Variants in FAAH observed in about 807,000 individuals in gnomAD.
FAAH encodes the protein fatty acid amide hydrolase.
FAAH carries 63 observed loss-of-function variants against 69.7 expected under a neutral mutation model. That is an observed-to-expected ratio of 0.90 (90% CI 0.74 to 1.12). FAAH has a LOEUF of 1.12. Among genes scored for constraint, FAAH ranks in the 50% most tolerant of loss-of-function variants. The probability of loss-of-function intolerance (pLI) is 0.00; values close to 1 mark genes in which losing one functional copy is unlikely to be tolerated. For missense variants in FAAH, 680 were observed against 755.0 expected, an observed-to-expected ratio of 0.90 and a Z score of 1.16; for synonymous variants, 305 against 324.2, an observed-to-expected ratio of 0.94 and a Z score of 0.64.
Position 46,405,676 on chromosome 1 carries a change from G to A in FAAH, c.667G>A (p.Ala223Thr). 2 of 1,613,550 alleles carry A rather than the reference G, an allele frequency of 1.2e-6. No homozygotes were observed. Among genetic ancestry groups the A allele is most frequent in the Non-Finnish European group, 1.7e-6 (2 of 1,180,032 alleles). Residue 223 changes from alanine to threonine, a missense_variant, in exon 5 of 15, where the codon GCC becomes ACC. Coordinates refer to ENST00000243167, the MANE Select transcript of FAAH (RefSeq NM_001441.3). This position sits in a 1 kb window ranked among gnomAD's most constrained non-coding sequence, Gnocchi z 4.1. ...SPGGSSGGEGALIGSGGSPLG... is the reference protein window; with the variant it reads ...SPGGSSGGEGTLIGSGGSPLG... ...AGGGGGCTCCTCAGGGGGTGAAGGG[G>A]CCCTCATCGGGTCTGGAGGCTCCCC...
chr1:46,413,351 C>T, intron 14 of FAAH, 96 bp from the exon 15 acceptor site: 1 of 1,609,790 alleles, frequency 6.2e-7, no homozygotes, highest in Non-Finnish European at 8.5e-7. Flanking sequence ...TGGCCTGGCC[C>T]TACGTTGTGG....
chr1:46,403,536 C>A (rs1206737523), intron 2 of FAAH, among the ~76,000 whole-genome samples: 1 of 152,258 alleles, frequency 6.6e-6, no homozygotes. Flanking sequence ...CAGGCCATCT[C>A]TTGTACTCCT....
At chr1:46,409,288 C>T (rs1453875406) in intron 9 of FAAH, 90 bp downstream of exon 9, 5 of 1,022,420 alleles carry the variant, frequency 4.9e-6, no homozygotes, top group South Asian at 1.3e-5. Context: ...CCTGGATGGG[C>T]CTTAGCTGAA....
At chr1:46,408,033 C>T (rs550978460) in intron 7 of FAAH, among the ~76,000 whole-genome samples, 12 of 152,176 alleles carry the variant, frequency 7.9e-5, no homozygotes, top group South Asian at 6.2e-4. Flanking sequence ...GATAGGCAGC[C>T]GTGAAGTCCT....
Position 46,413,480 on chromosome 1 carries a change from G to A in FAAH, c.1645G>A (p.Val549Met), listed in dbSNP as rs769732934. The A allele has an allele frequency of 1.5e-5, 24 of 1,614,064 alleles. No homozygotes were observed. Among genetic ancestry groups the A allele is most frequent in the South Asian group, 5.5e-5 (5 of 91,086 alleles). ...GAAGAGTGTGGGGCTGCCGGTGGCC[G>A]TGCAGTGTGTGGCTCTGCCCTGGCA... is the stretch of plus-strand genomic sequence containing the variant. ...MKKSVGLPVAVQCVALPWQEE... is the reference protein window; with the variant it reads ...MKKSVGLPVAMQCVALPWQEE... Residue 549 changes from valine to methionine, a missense_variant, in exon 15 of 15, where the codon GTG becomes ATG. Transcript: ENST00000243167.
intron 13 of FAAH, 27 bp from the exon 14 acceptor site, chr1:46,413,048 G>C: frequency 1.2e-6 from 2 of 1,613,676 alleles, no homozygotes; most frequent in African/African-American, 2.7e-5. Flanking sequence ...CTCAGGGCCT[G>C]CTGCAGCTGC....
intron 1 of FAAH, among the ~76,000 whole-genome samples, chr1:46,399,447 T>C (rs1464776143): frequency 6.6e-6 from 1 of 152,240 alleles, no homozygotes; most frequent in East Asian, 1.9e-4. Flanking sequence ...TAAAAATAGC[T>C]GTTAGCAGCT....
intron 1 of FAAH, among the ~76,000 whole-genome samples, chr1:46,399,653 A>C (rs1384960088): frequency 6.6e-6 from 1 of 152,198 alleles, no homozygotes; most frequent in Non-Finnish European, 1.5e-5. Flanking sequence ...GCTGATTTCG[A>C]TGTCCTTCTC....
In FAAH at chr1:46,394,387, C is replaced by T. The variant is rs779623344; in HGVS notation, c.39C>T (p.Ala13=). The change falls in exon 1 of 15, where the codon GCC becomes GCT. Residue 13 remains alanine, a synonymous_variant. Transcript: ENST00000243167. ...QYELWAALPG[A]SGVALACCFV... ...AGCTGTGGGCCGCGCTGCCTGGCGC[C>T]TCCGGGGTCGCCCTGGCCTGCTGCT... 28 of 1,542,524 alleles carry T rather than the reference C, an allele frequency of 1.8e-5. No homozygotes were observed. The highest frequency in any genetic ancestry group is 2.6e-5 in the East Asian group (1 of 37,754).
At chr1:46,408,888 C>T (rs1463870391) in intron 8 of FAAH, among the ~76,000 whole-genome samples, 7 of 152,178 alleles carry the variant, frequency 4.6e-5, no homozygotes, top group African/African-American at 1.7e-4. Context: ...TTGGTCTGGT[C>T]ATTACACAAC....
intron 1 of FAAH, among the ~76,000 whole-genome samples, chr1:46,397,664 C>T (rs942915904): frequency 1.6e-4 from 24 of 152,140 alleles, no homozygotes; most frequent in South Asian, 4.1e-4. Context: ...CAGGTTCAAG[C>T]GATTCTCCTG....
Position 46,410,533 on chromosome 1 carries a change from G to C in FAAH, c.1275+36G>C, listed in dbSNP as rs199598092. 1.1e-5 allele frequency: 17 copies of C among 1,565,172 alleles called. No homozygotes were observed. The highest frequency in any genetic ancestry group is 2.7e-5 in the African/African-American group (2 of 73,770). The stretch of plus-strand genomic sequence containing the variant: ...AAGGAGTGGAGGGGCTAGGATGGCT[G>C]GGGGGGAACCTAGGGCCTCCTATCG... On this transcript the variant is annotated intron_variant, in intron 10 of 14. Transcript: ENST00000243167. The surrounding 1 kb of genome is among the most constrained non-coding windows in gnomAD (Gnocchi z 4.9).
At chr1:46,398,778 G>A (rs1046939344) in intron 1 of FAAH, among the ~76,000 whole-genome samples, 12 of 151,850 alleles carry the variant, frequency 7.9e-5, no homozygotes, top group South Asian at 2.1e-4. Context: ...CAGGTGATCC[G>A]CCTGCCTCGG....
rs1431318888 is a variant in FAAH, at chr1:46,411,398, C to T, written c.1317-214C>T. ...AATCGGGCCTGGGCTAGTCCTGGCT[C>T]TGCTGTGGAGTCACCAAGTGCCAGC... On this transcript the variant is annotated intron_variant, in intron 11 of 14. Transcript: ENST00000243167. The surrounding 1 kb of genome is among the most constrained non-coding windows in gnomAD (Gnocchi z 4.8). Among the ~76,000 whole-genome samples, 1 of 152,232 alleles carries T rather than the reference C, an allele frequency of 6.6e-6. No individual in the cohort carries two copies. Among genetic ancestry groups the T allele is most frequent in the Non-Finnish European group, 1.5e-5 (1 of 68,048 alleles).
intron 1 of FAAH, among the ~76,000 whole-genome samples, chr1:46,396,737 A>G (rs906589269): frequency 2.6e-5 from 4 of 152,234 alleles, no homozygotes. Flanking sequence ...GATTACCAGC[A>G]TCTCAAGGCA....
At chr1:46,408,191 T>C (rs1006489612) in intron 7 of FAAH, among the ~76,000 whole-genome samples, 3 of 152,096 alleles carry the variant, frequency 2.0e-5, no homozygotes, top group Non-Finnish European at 4.4e-5. Context: ...TTGGGTAGCT[T>C]TGGGCAAGTC....
intron 7 of FAAH, among the ~76,000 whole-genome samples, chr1:46,406,970 T>C (rs1664811195): frequency 6.6e-6 from 1 of 152,034 alleles, no homozygotes; most frequent in African/African-American, 2.4e-5. Flanking sequence ...AGGAATCATT[T>C]CCCAGCCTGC....
At chr1:46,397,785 C>T (rs896423407) in intron 1 of FAAH, among the ~76,000 whole-genome samples, 2 of 151,548 alleles carry the variant, frequency 1.3e-5, no homozygotes, top group African/African-American at 4.8e-5. Context: ...CTGGCCTCGA[C>T]CTCCCGACCT....
rs1312760714 is a variant in FAAH at position 46,404,993 on chromosome 1, T to C, written c.310-21T>C. The C allele has an allele frequency of 6.2e-7, 1 of 1,613,996 alleles. No homozygotes were observed. Among genetic ancestry groups the C allele is most frequent in the South Asian group, 1.1e-5 (1 of 91,088 alleles). ...AAAAGGCCAGCCTCCTTTTATCTTA[T>C]GTCTACTTCCCCTTCCTCAGGCCTG... On this transcript the variant is annotated intron_variant, in intron 2 of 14. Transcript: ENST00000243167. The surrounding 1 kb of genome is among the most constrained non-coding windows in gnomAD (Gnocchi z 4.5).
Sources: allele counts gnomAD v4.1 joint callset (sites outside exome capture counted in the v4.1 genomes callset), GRCh38; gene constraint gnomAD v4.1.1; non-coding constraint Gnocchi (gnomAD v3.1); transcripts MANE v1.5; gene names NCBI Gene and HGNC (gene_info 2026-07-23, HGNC 2026-07-21).